Variants in DPF3 observed in about 807,000 individuals in gnomAD.
The protein encoded by DPF3 is double PHD fingers 3.
Under a neutral mutation model 56.8 loss-of-function variants are expected in DPF3, and 18 were observed. That is an observed-to-expected ratio of 0.32 (90% CI 0.22 to 0.47). The LOEUF is 0.47. Among genes scored for constraint, DPF3 ranks in the 20% least tolerant of loss-of-function variants. The probability of loss-of-function intolerance (pLI) is 1.00; values close to 1 mark genes in which losing one functional copy is unlikely to be tolerated. For missense variants in DPF3, 403 were observed against 488.8 expected, an observed-to-expected ratio of 0.82 and a Z score of 1.65; for synonymous variants, 188 against 180.2, an observed-to-expected ratio of 1.04 and a Z score of -0.35.
intron 1 of DPF3, among the ~76,000 whole-genome samples, chr14:72,816,994 G>A (rs1488288900): frequency 6.6e-6 from 1 of 152,174 alleles, no homozygotes; most frequent in Non-Finnish European, 1.5e-5. Context: ...CCCCTCTGAA[G>A]CTAGAAATCA....
At chr14:72,811,420 A>T (rs952929801) in intron 1 of DPF3, among the ~76,000 whole-genome samples, 1 of 152,240 alleles carries the variant, frequency 6.6e-6, no homozygotes, top group African/African-American at 2.4e-5. Context: ...GCCAGCAGAG[A>T]GGCCTGGAAC....
chr14:72,768,988 A>G (rs1005218419), intron 2 of DPF3, among the ~76,000 whole-genome samples: 3 of 151,296 alleles, frequency 2.0e-5, no homozygotes, highest in Admixed American at 1.3e-4. Context: ...AAAGCAAATA[A>G]GTAATTACAT....
intron 1 of DPF3, among the ~76,000 whole-genome samples, chr14:72,871,676 G>A (rs144866298): frequency 5.1e-4 from 78 of 152,280 alleles, no homozygotes; most frequent in African/African-American, 1.7e-3. Flanking sequence ...GCTCATGCCT[G>A]TAATCCCAGC....
intron 2 of DPF3, among the ~76,000 whole-genome samples, chr14:72,767,931 A>C (rs951055348): frequency 6.6e-6 from 1 of 152,160 alleles, no homozygotes; most frequent in Non-Finnish European, 1.5e-5. Context: ...CTTACTTATA[A>C]GGGAAAAAAG....
chr14:72,705,757 T>G (rs1888378275), intron 6 of DPF3, among the ~76,000 whole-genome samples: 1 of 152,206 alleles, frequency 6.6e-6, no homozygotes, highest in African/African-American at 2.4e-5. Flanking sequence ...GGCTGCAAGT[T>G]GATTCTGGCC....
chr14:72,732,184 A>G (rs10132242), intron 3 of DPF3, among the ~76,000 whole-genome samples: 149,250 of 152,326 alleles, frequency 0.98, 73,130 homozygotes, highest in East Asian at 1. Flanking sequence ...GGTGCGGGGT[A>G]GATGTGGGCT....
At chr14:72,888,050 G>A (rs1230055128) in intron 1 of DPF3, among the ~76,000 whole-genome samples, 3 of 152,076 alleles carry the variant, frequency 2.0e-5, no homozygotes, top group African/African-American at 4.8e-5. Flanking sequence ...TGCAAAGTGG[G>A]GATTAGACAT....
intron 1 of DPF3, among the ~76,000 whole-genome samples, chr14:72,797,331 C>T (rs1398554130): frequency 6.6e-6 from 1 of 152,112 alleles, no homozygotes; most frequent in Non-Finnish European, 1.5e-5. Context: ...ATCGAATTGC[C>T]GACCCACGGA....
intron 2 of DPF3, among the ~76,000 whole-genome samples, chr14:72,759,602 A>G (rs77632365): frequency 1.7e-5 from 2 of 116,946 alleles, no homozygotes; most frequent in Admixed American, 1.7e-4. Context: ...AGGAAGGAAG[A>G]AAGAAAGAAT....
At chr14:72,841,355 T>G (rs1884535833) in intron 1 of DPF3, among the ~76,000 whole-genome samples, 1 of 152,094 alleles carries the variant, frequency 6.6e-6, no homozygotes. Context: ...AGCTTTGGAG[T>G]GTCTACTTGC....
intron 3 of DPF3, among the ~76,000 whole-genome samples, chr14:72,749,967 C>T (rs1890498630): frequency 6.6e-6 from 1 of 152,194 alleles, no homozygotes; most frequent in Non-Finnish European, 1.5e-5. Context: ...TGCCTGAAGC[C>T]AGATAAACCC....
intron 6 of DPF3, among the ~76,000 whole-genome samples, chr14:72,708,359 A>G (rs1245484709): frequency 6.6e-6 from 1 of 152,144 alleles, no homozygotes; most frequent in Non-Finnish European, 1.5e-5. Context: ...CCAGGGATCA[A>G]TCCCATGCCA....
chr14:72,825,715 AG>A (rs1167984019), intron 1 of DPF3, among the ~76,000 whole-genome samples: 2 of 93,240 alleles, frequency 2.1e-5, no homozygotes, highest in Non-Finnish European at 4.7e-5. Context: ...AGCCCAGCCC[AG>A]CCCAGCCCAC....
intron 1 of DPF3, among the ~76,000 whole-genome samples, chr14:72,849,481 G>C (rs189447620): frequency 6.6e-6 from 1 of 152,248 alleles, no homozygotes; most frequent in South Asian, 2.1e-4. Flanking sequence ...AGCATCCCCC[G>C]GGGCCGCCTT....
intron 1 of DPF3, among the ~76,000 whole-genome samples, chr14:72,863,084 ATATATATATATATATATG>A (rs1237403108): frequency 0.015 from 152 of 10,140 alleles, 1 homozygote; most frequent in African/African-American, 0.051. Flanking sequence ...ATATATATAT[ATATATATATATATATATG>A]TGTGTGTATA....
rs773450437 is a variant in DPF3 at position 72,884,940 on chromosome 14, C to CTATATATATATATATATATATATATATA, written c.32+9089_32+9116dup. On this transcript the variant is annotated intron_variant, in intron 1 of 10. Coordinates refer to ENST00000556509, the MANE Select transcript of DPF3 (RefSeq NM_001280542.3). ...TGAAACCCCGTCTCTACTAAAAATACTATATATATATATATATATATATAT... is the reference window on the plus strand; with the variant it reads ...TGAAACCCCGTCTCTACTAAAAATACTATATATATATATATATATATATATATATATATATATATATATATATATATAT... Among the ~76,000 whole-genome samples the CTATATATATATATATATATATATATATA allele has an allele frequency of 1.6e-3, 48 of 29,606 alleles. 5 individuals carry two copies. Among genetic ancestry groups the CTATATATATATATATATATATATATATA allele is most frequent in the Non-Finnish European group, 2.8e-3 (32 of 11,562 alleles). 19.4% of individuals were successfully genotyped at this position (29,606 alleles called of 152,430 possible). A position where few individuals can be genotyped will look rare whatever the true frequency, so the allele number is the denominator to read the frequency against.
chr14:72,824,924 G>A (rs1389117918), intron 1 of DPF3, among the ~76,000 whole-genome samples: 2 of 151,534 alleles, frequency 1.3e-5, no homozygotes, highest in Non-Finnish European at 2.9e-5. Flanking sequence ...GTCTCACTCT[G>A]TTGCCCAGGT....
chr14:72,874,932 T>C (rs1334977583), intron 1 of DPF3, among the ~76,000 whole-genome samples: 1 of 152,176 alleles, frequency 6.6e-6, no homozygotes, highest in East Asian at 1.9e-4. Flanking sequence ...TACCTGAGAC[T>C]GGGAAGAAAA....
intron 1 of DPF3, chr14:72,879,700 G>C (rs921707829): frequency 9.4e-6 from 13 of 1,379,052 alleles, no homozygotes; most frequent in Non-Finnish European, 1.2e-5. Context: ...AGTTTGCTCA[G>C]ACACCAGGGG....
Sources: allele counts gnomAD v4.1 joint callset (sites outside exome capture counted in the v4.1 genomes callset), GRCh38; gene constraint gnomAD v4.1.1; transcripts MANE v1.5; gene names NCBI Gene and HGNC (gene_info 2026-07-23, HGNC 2026-07-21).